The following INPP5A variants were observed in gnomAD, a reference collection of about 807,000 sequenced individuals.
INPP5A encodes the protein inositol polyphosphate-5-phosphatase A.
INPP5A carries 14 observed loss-of-function variants against 65.2 expected under a neutral mutation model. That is an observed-to-expected ratio of 0.21 (90% CI 0.14 to 0.34). INPP5A has a LOEUF of 0.34. Among genes scored for constraint, INPP5A ranks in the 10% least tolerant of loss-of-function variants. INPP5A has a pLI of 1.00. For missense variants in INPP5A, 431 were observed against 545.6 expected, an observed-to-expected ratio of 0.79 and a Z score of 2.09; for synonymous variants, 207 against 208.3, an observed-to-expected ratio of 0.99 and a Z score of 0.05.
At chr10:132,590,451 C>T (rs978925355) in intron 1 of INPP5A, among the ~76,000 whole-genome samples, 2 of 152,128 alleles carry the variant, frequency 1.3e-5, no homozygotes, top group African/African-American at 4.8e-5. Context: ...TGGCTGTGTC[C>T]AACACCTCCT....
At chr10:132,728,653 C>A (rs1846029140) in intron 9 of INPP5A, among the ~76,000 whole-genome samples, 1 of 152,242 alleles carries the variant, frequency 6.6e-6, no homozygotes, top group Non-Finnish European at 1.5e-5. Context: ...GGATGAAAGT[C>A]AAGAAGAACC....
intron 4 of INPP5A, among the ~76,000 whole-genome samples, chr10:132,653,400 G>A (rs1395402568): frequency 6.6e-6 from 1 of 152,142 alleles, no homozygotes; most frequent in Non-Finnish European, 1.5e-5. Context: ...AGGTCCACCC[G>A]AGACTCTGCC....
At chr10:132,719,126 G>C (rs758290741) in intron 8 of INPP5A, among the ~76,000 whole-genome samples, 1 of 148,422 alleles carries the variant, frequency 6.7e-6, no homozygotes, top group Non-Finnish European at 1.5e-5. Flanking sequence ...CTGTCTTCAG[G>C]GTTCTGTGGT....
intron 4 of INPP5A, among the ~76,000 whole-genome samples, chr10:132,673,930 G>A (rs1317841586): frequency 2.6e-5 from 4 of 152,242 alleles, no homozygotes; most frequent in Non-Finnish European, 5.9e-5. Context: ...GCCGTAGCCA[G>A]ATCAGCCTTG....
intron 1 of INPP5A, among the ~76,000 whole-genome samples, chr10:132,562,904 A>G (rs776182591): frequency 2.0e-4 from 31 of 152,202 alleles, no homozygotes; most frequent in Admixed American, 1.2e-3. Context: ...CTGCTCTGGT[A>G]TCTCAGGTCC....
chr10:132,639,194 G>T (rs1053366844), intron 2 of INPP5A, among the ~76,000 whole-genome samples: 7 of 152,112 alleles, frequency 4.6e-5, no homozygotes, highest in Admixed American at 6.5e-5. Flanking sequence ...CCAGCCATCA[G>T]TTTCCAGCAG....
intron 1 of INPP5A, among the ~76,000 whole-genome samples, chr10:132,566,456 T>G (rs1690474739): frequency 6.6e-6 from 1 of 152,234 alleles, no homozygotes; most frequent in Admixed American, 6.5e-5. Context: ...GTTGTCTTGC[T>G]GTTGCTTGTG....
intron 1 of INPP5A, among the ~76,000 whole-genome samples, chr10:132,553,155 C>T (rs1166874222): frequency 5.3e-5 from 6 of 112,610 alleles, no homozygotes; most frequent in African/African-American, 1.1e-4. Context: ...GATTGGTGAA[C>T]GCCTTCTCAG....
intron 6 of INPP5A, among the ~76,000 whole-genome samples, chr10:132,699,095 GA>G (rs1845393522): frequency 6.6e-6 from 1 of 152,216 alleles, no homozygotes; most frequent in African/African-American, 2.4e-5. Flanking sequence ...GGACATGCAA[GA>G]AAGCTCCATG....
At chr10:132,682,400 T>C (rs2073059809) in intron 4 of INPP5A, among the ~76,000 whole-genome samples, 1 of 152,252 alleles carries the variant, frequency 6.6e-6, no homozygotes. Flanking sequence ...AAGTTTATGC[T>C]GTGTGCATTT....
At chr10:132,720,839 G>T (rs1281896781) in intron 8 of INPP5A, among the ~76,000 whole-genome samples, 3 of 149,066 alleles carry the variant, frequency 2.0e-5, no homozygotes, top group Admixed American at 1.3e-4. Context: ...CCTGGGTTCT[G>T]TCTGGGCACC....
chr10:132,691,162 C>T (rs549341275), intron 5 of INPP5A, among the ~76,000 whole-genome samples: 23 of 152,338 alleles, frequency 1.5e-4, no homozygotes, highest in African/African-American at 2.9e-4. Flanking sequence ...CCTCGGGAGA[C>T]GGAGCGGCTC....
chr10:132,748,901 G>A (rs971728368), intron 9 of INPP5A, among the ~76,000 whole-genome samples: 4 of 152,218 alleles, frequency 2.6e-5, no homozygotes, highest in Non-Finnish European at 4.4e-5. Context: ...GGACCCTGGC[G>A]GGAGCCTGAG....
At chr10:132,589,639 C>T (rs1033514304) in intron 1 of INPP5A, among the ~76,000 whole-genome samples, 5 of 152,232 alleles carry the variant, frequency 3.3e-5, no homozygotes, top group Non-Finnish European at 5.9e-5. Context: ...GTCCCAGAAC[C>T]CCGAGTGCTC....
At chr10:132,720,315 C>T (rs183902185) in intron 8 of INPP5A, among the ~76,000 whole-genome samples, 3 of 140,260 alleles carry the variant, frequency 2.1e-5, no homozygotes, top group Non-Finnish European at 4.6e-5. Flanking sequence ...TTCTGTGGTG[C>T]CTGGGTTCTT....
At chr10:132,695,264 T>C (rs1301126586) in intron 5 of INPP5A, among the ~76,000 whole-genome samples, 2 of 152,210 alleles carry the variant, frequency 1.3e-5, no homozygotes, top group Admixed American at 6.5e-5. Flanking sequence ...ATAGGATAGA[T>C]GCAGAAAAAG....
At chr10:132,660,174 G>A (rs753918347) in intron 4 of INPP5A, among the ~76,000 whole-genome samples, 1 of 152,244 alleles carries the variant, frequency 6.6e-6, no homozygotes, top group African/African-American at 2.4e-5. Flanking sequence ...GAGTGTGTGT[G>A]TGATATTGAG....
chr10:132,598,796 A>G (rs1473692612), intron 1 of INPP5A, among the ~76,000 whole-genome samples: 1 of 152,354 alleles, frequency 6.6e-6, no homozygotes, highest in African/African-American at 2.4e-5. Flanking sequence ...ATAGTTCCGC[A>G]TGGCTGGAGA....
intron 12 of INPP5A, among the ~76,000 whole-genome samples, chr10:132,766,761 C>T (rs1169304915): frequency 1.3e-5 from 2 of 152,270 alleles, no homozygotes; most frequent in Admixed American, 1.3e-4. Flanking sequence ...TTTGCCAGCA[C>T]AGAGCAGTTC....
Sources: gnomAD v4.1 joint callset for allele counts (sites outside exome capture counted in the v4.1 genomes callset) on GRCh38, gnomAD v4.1.1 for gene constraint, MANE v1.5 for transcripts, NCBI Gene and HGNC (gene_info 2026-07-23, HGNC 2026-07-21) for gene names.